ESRRG: variants seen among roughly 807,000 people sequenced by gnomAD.
ESRRG encodes estrogen related receptor gamma, also known as estrogen-related receptor gamma.
A neutral mutation model predicts 44.0 loss-of-function variants in ESRRG; 13 were observed. The observed-to-expected ratio is 0.30, with a 90% CI of 0.19 to 0.47. ESRRG has a LOEUF of 0.47. Among genes scored for constraint, ESRRG ranks in the 20% least tolerant of loss-of-function variants. The pLI, the probability that ESRRG is intolerant of heterozygous loss-of-function variation, is 1.00. For missense variants in ESRRG, 395 were observed against 580.6 expected (o/e 0.68, Z 3.29); for synonymous variants, 215 against 214.6 (o/e 1.00, Z -0.02).
chr1:216,848,730 C>T (rs1331203161), intron 2 of ESRRG, among the ~76,000 whole-genome samples: 2 of 152,042 alleles, frequency 1.3e-5, no homozygotes, highest in Non-Finnish European at 2.9e-5. Context: ...GAATAATTGA[C>T]TGCACTTCGG....
At chr1:216,875,245 T>C (rs2096331590) in intron 2 of ESRRG, among the ~76,000 whole-genome samples, 1 of 152,128 alleles carries the variant, frequency 6.6e-6, no homozygotes, top group African/African-American at 2.4e-5. Context: ...TAAAATTAAG[T>C]TTTATATAGA....
At position 216,783,086 on chromosome 1, in the gene ESRRG, T is replaced by C. The variant is rs543358111; in HGVS notation, c.-13-105595A>G. On this transcript the variant is annotated intron_variant, in intron 2 of 7. Coordinates refer to the ESRRG transcript ENST00000359162. ...CCACTCAGAAGAGTTAGGGGGCATA[T>C]CGGAATCTCACGGTGGCTGGGATTC... Among the ~76,000 whole-genome samples, 54 of 152,096 alleles carry C rather than the reference T, an allele frequency of 3.6e-4. 1 individual carries two copies. The highest frequency in any genetic ancestry group is 7.2e-4 in the Non-Finnish European group (49 of 67,946).
chr1:216,873,716 T>G (rs953356739), intron 2 of ESRRG, among the ~76,000 whole-genome samples: 8 of 151,152 alleles, frequency 5.3e-5, no homozygotes, highest in African/African-American at 1.9e-4. Context: ...AAAGTAACAT[T>G]GATGTGCTCC....
At chr1:216,849,640 A>G (rs12410353) in intron 2 of ESRRG, among the ~76,000 whole-genome samples, 30,324 of 152,002 alleles carry the variant, frequency 0.2, 3,112 homozygotes, top group Admixed American at 0.26. Context: ...ACTGGGAACA[A>G]TCTGCTTGAA....
intron 2 of ESRRG, among the ~76,000 whole-genome samples, chr1:216,916,006 A>G (rs1236757060): frequency 6.6e-6 from 1 of 152,078 alleles, no homozygotes; most frequent in Non-Finnish European, 1.5e-5. Context: ...AAGAACTTTT[A>G]GTCATTTGTG....
At chr1:216,713,386 T>G (rs944823003) in intron 1 of ESRRG, among the ~76,000 whole-genome samples, 1 of 148,818 alleles carries the variant, frequency 6.7e-6, no homozygotes, top group Non-Finnish European at 1.5e-5. Flanking sequence ...AAAAGATTTC[T>G]CCTGTAGGAG....
At chr1:217,036,745 T>C (rs1210611884) in intron 1 of ESRRG, among the ~76,000 whole-genome samples, 1 of 151,712 alleles carries the variant, frequency 6.6e-6, no homozygotes, top group Non-Finnish European at 1.5e-5. Context: ...ATGAAACAAT[T>C]TGTACAACAA....
chr1:216,876,481 G>A (rs2096354890), intron 2 of ESRRG, among the ~76,000 whole-genome samples: 1 of 151,702 alleles, frequency 6.6e-6, no homozygotes, highest in South Asian at 2.1e-4. Flanking sequence ...ATTCCCATTT[G>A]TCTTAAAGAC....
At chr1:216,750,536 T>A in intron 2 of ESRRG, among the ~76,000 whole-genome samples, 1 of 152,156 alleles carries the variant, frequency 6.6e-6, no homozygotes, top group East Asian at 1.9e-4. Context: ...TTTCTAACCC[T>A]ATTTAAATAC....
rs1218277719 is a variant in ESRRG, at chr1:216,873,782, C to T, written c.-14+65800G>A. ...GAGAAGAAGTCTCCTCTTCCTCAGACATCTGGCCCCTGTAGGCACCTGTTG... is the reference window on the plus strand; with the variant it reads ...GAGAAGAAGTCTCCTCTTCCTCAGATATCTGGCCCCTGTAGGCACCTGTTG... On this transcript the variant is annotated intron_variant, in intron 2 of 7. Transcript: ENST00000359162. Among the ~76,000 whole-genome samples the T allele has an allele frequency of 2.7e-5, 4 of 150,746 alleles. No homozygotes were observed. In the East Asian group the frequency reaches 7.9e-4, roughly 30 times the overall value.
At chr1:217,013,333 G>T (rs994949127) in intron 1 of ESRRG, among the ~76,000 whole-genome samples, 2 of 152,232 alleles carry the variant, frequency 1.3e-5, no homozygotes, top group African/African-American at 4.8e-5. Context: ...TCAAAGGGGT[G>T]TTTGAAGACT....
chr1:216,529,892 A>G (rs532958810), intron 5 of ESRRG, among the ~76,000 whole-genome samples: 3 of 151,886 alleles, frequency 2.0e-5, no homozygotes, highest in Non-Finnish European at 4.4e-5. Flanking sequence ...TGAGTGGATC[A>G]CTTGAGGTCA....
intron 2 of ESRRG, among the ~76,000 whole-genome samples, chr1:216,786,545 T>A (rs79758179): frequency 6.6e-6 from 1 of 151,984 alleles, no homozygotes; most frequent in Admixed American, 6.6e-5. Context: ...CAGAAACACA[T>A]ACACAAACTC....
At chr1:216,987,061 A>G (rs940635811) in intron 1 of ESRRG, among the ~76,000 whole-genome samples, 1 of 152,248 alleles carries the variant, frequency 6.6e-6, no homozygotes, top group African/African-American at 2.4e-5. Flanking sequence ...ATGTAGCCAA[A>G]AAATACAGAA....
At chr1:217,098,985 C>A (rs945322414) in intron 1 of ESRRG, among the ~76,000 whole-genome samples, 1 of 152,176 alleles carries the variant, frequency 6.6e-6, no homozygotes, top group East Asian at 1.9e-4. Context: ...CTGCTTTATT[C>A]TTTTCCCCCA....
chr1:216,743,916 T>C (rs1369541684), intron 2 of ESRRG, among the ~76,000 whole-genome samples: 1 of 152,224 alleles, frequency 6.6e-6, no homozygotes, highest in Non-Finnish European at 1.5e-5. Context: ...GAAATAATTC[T>C]AATCCTGCTT....
intron 2 of ESRRG, among the ~76,000 whole-genome samples, chr1:216,653,999 T>C (rs535281944): frequency 6.6e-6 from 1 of 151,410 alleles, no homozygotes; most frequent in Non-Finnish European, 1.5e-5. Context: ...GGTGTGAACC[T>C]TTAGTCCCAG....
chr1:216,995,742 T>C (rs1013205938), intron 1 of ESRRG, among the ~76,000 whole-genome samples: 2 of 152,226 alleles, frequency 1.3e-5, no homozygotes, highest in African/African-American at 4.8e-5. Context: ...GTTAGTAATA[T>C]CTAGATTGTA....
chr1:217,119,865 G>T (rs1342018611), intron 1 of ESRRG, among the ~76,000 whole-genome samples: 3 of 152,140 alleles, frequency 2.0e-5, no homozygotes, highest in Admixed American at 2.0e-4. Flanking sequence ...CCTATTACTG[G>T]TGTGGCAGAA....
Sources: gnomAD v4.1 joint callset for allele counts (sites outside exome capture counted in the v4.1 genomes callset) on GRCh38, gnomAD v4.1.1 for gene constraint, MANE v1.5 for transcripts, NCBI Gene and HGNC (gene_info 2026-07-23, HGNC 2026-07-21) for gene names.